The following DISC1 variants were observed in gnomAD, a reference collection of about 807,000 sequenced individuals.
The protein encoded by DISC1 is DISC1 scaffold protein.
Under a neutral mutation model 84.5 loss-of-function variants are expected in DISC1, and 57 were observed. The observed-to-expected ratio is 0.67, with a 90% CI of 0.55 to 0.84. The LOEUF (loss-of-function observed/expected upper bound fraction) is 0.84, where lower values mean the gene tolerates loss of function less well. Among genes scored for constraint, DISC1 ranks in the 40% least tolerant of loss-of-function variants. The pLI, the probability that DISC1 is intolerant of heterozygous loss-of-function variation, is 0.00. For missense variants in DISC1, 1,000 were observed against 1,057.8 expected (o/e 0.95, Z 0.76); for synonymous variants, 411 against 415.2 (o/e 0.99, Z 0.12).
chr1:231,989,011 G>A (rs570564673), intron 10 of DISC1, among the ~76,000 whole-genome samples: 33 of 152,178 alleles, frequency 2.2e-4, no homozygotes, highest in African/African-American at 7.7e-4. Flanking sequence ...CAGCCTCTGG[G>A]GTGTCCCATG....
At chr1:231,708,493 T>G (rs1366337898) in intron 3 of DISC1, among the ~76,000 whole-genome samples, 1 of 152,232 alleles carries the variant, frequency 6.6e-6, no homozygotes, top group African/African-American at 2.4e-5. Context: ...TAAAATTTCT[T>G]GAGATCTCTG....
chr1:231,642,788 G>T (rs907422385), intron 1 of DISC1, among the ~76,000 whole-genome samples: 1 of 152,148 alleles, frequency 6.6e-6, no homozygotes, highest in Non-Finnish European at 1.5e-5. Flanking sequence ...TACCCAAAGA[G>T]GGCATTCTAA....
At chr1:231,629,855 T>G (rs930890668) in intron 1 of DISC1, among the ~76,000 whole-genome samples, 1 of 152,184 alleles carries the variant, frequency 6.6e-6, no homozygotes, top group Non-Finnish European at 1.5e-5. Context: ...TTGTTGATAT[T>G]TGAATTTTAT....
intron 11 of DISC1, among the ~76,000 whole-genome samples, chr1:232,024,496 G>T (rs1261451054): frequency 2.0e-5 from 3 of 152,026 alleles, no homozygotes; most frequent in African/African-American, 7.2e-5. Context: ...GACTATTACC[G>T]CACCTGGGCA....
At chr1:231,806,690 C>T (rs1427377245) in intron 8 of DISC1, among the ~76,000 whole-genome samples, 1 of 152,202 alleles carries the variant, frequency 6.6e-6, no homozygotes, top group African/African-American at 2.4e-5. Flanking sequence ...AGCCCCAGAC[C>T]CACCTTGCTG....
intron 9 of DISC1, among the ~76,000 whole-genome samples, chr1:231,919,119 C>A (rs1198032820): frequency 6.6e-6 from 1 of 152,160 alleles, no homozygotes; most frequent in South Asian, 2.1e-4. Flanking sequence ...ATGGATGAAA[C>A]CTGATGGTTT....
chr1:231,900,687 G>A (rs1422507084), intron 9 of DISC1, among the ~76,000 whole-genome samples: 1 of 152,166 alleles, frequency 6.6e-6, no homozygotes, highest in African/African-American at 2.4e-5. Context: ...GGGAAAAATT[G>A]TGTATGCCAG....
intron 1 of DISC1, among the ~76,000 whole-genome samples, chr1:231,628,586 C>T (rs1412395221): frequency 6.6e-6 from 1 of 152,208 alleles, no homozygotes; most frequent in Non-Finnish European, 1.5e-5. Flanking sequence ...TTCAGGGTCA[C>T]CCTGCTTGGT....
chr1:231,707,083 A>G (rs570383550), intron 3 of DISC1, among the ~76,000 whole-genome samples: 8 of 152,342 alleles, frequency 5.3e-5, no homozygotes, highest in African/African-American at 1.9e-4. Flanking sequence ...AGAAGAAAAC[A>G]AGATTGAATA....
In DISC1 at chr1:231,771,711, C is replaced by T. The variant is rs575966368; in HGVS notation, c.1634+641C>T. On this transcript the variant is annotated intron_variant, in intron 6 of 12. Transcript: ENST00000439617. ...ACTCCTGTTCATTAATTCTGAAGCC[C>T]GGTCTTCTCCACTCTACTCTGGAGT... The T allele has an allele frequency of 9.0e-5, 37 of 411,022 alleles. 1 individual carries two copies. The highest frequency in any genetic ancestry group is 5.4e-4 in the African/African-American group (25 of 46,100). The allele number at this position is 411,022 out of a possible 1,614,324, so 25.5% of individuals were successfully genotyped here. A position where few individuals can be genotyped will look rare whatever the true frequency, so the allele number is the denominator to read the frequency against.
intron 9 of DISC1, among the ~76,000 whole-genome samples, chr1:231,888,738 CAAAAAAA>C (rs34003319): frequency 3.7e-5 from 2 of 54,042 alleles, no homozygotes; most frequent in South Asian, 7.7e-4. Context: ...GCTCTGTCTC[CAAAAAAA>C]AAAAAAAAAA....
Position 231,874,780 on chromosome 1 carries a change from G to C in DISC1, c.1981+56263G>C, listed in dbSNP as rs559517972. ...CAAAAAATTAGCCAGGCGTGGTGGC[G>C]GGTGCCTGTAATCCCAGCTACTCGG... On this transcript the variant is annotated intron_variant, in intron 9 of 12. Transcript: ENST00000439617. 4.9e-3 allele frequency among the ~76,000 whole-genome samples: 746 copies of C among 151,804 alleles called. 3 individuals are homozygous for C. The highest frequency in any genetic ancestry group is 0.017 in the African/African-American group (705 of 41,448).
At chr1:231,879,809 G>A (rs565483147) in intron 9 of DISC1, among the ~76,000 whole-genome samples, 5 of 152,248 alleles carry the variant, frequency 3.3e-5, no homozygotes, top group African/African-American at 7.2e-5. Flanking sequence ...GAGATGGGGA[G>A]GTGTGGATCA....
At chr1:231,794,576 A>G (rs2078610279) in intron 6 of DISC1, among the ~76,000 whole-genome samples, 1 of 152,196 alleles carries the variant, frequency 6.6e-6, no homozygotes, top group South Asian at 2.1e-4. Context: ...AGGGCTTACT[A>G]ACAAGCTCCA....
intron 1 of DISC1, among the ~76,000 whole-genome samples, chr1:231,638,606 T>C (rs1326105928): frequency 6.6e-6 from 1 of 152,226 alleles, no homozygotes; most frequent in African/African-American, 2.4e-5. Flanking sequence ...GGGTGTCCTT[T>C]GCCCAGTGTA....
In DISC1 at chr1:232,031,245, G is replaced by A. The variant is rs967938747; in HGVS notation, c.2425+4693G>A. Among the ~76,000 whole-genome samples the A allele has an allele frequency of 7.6e-4, 110 of 143,998 alleles. No individual in the cohort carries two copies. In the Admixed American group the frequency reaches 7.7e-3, roughly 10 times the overall value. The allele number at this position is 143,998 out of a possible 152,430, so 94.5% of individuals were successfully genotyped here. A position where few individuals can be genotyped will look rare whatever the true frequency, so the allele number is the denominator to read the frequency against. On this transcript the variant is annotated intron_variant, in intron 12 of 12. Transcript: ENST00000439617. This position sits in a 1 kb window ranked among gnomAD's most constrained non-coding sequence, Gnocchi z 4.6. ...AGAAAGAGAGAGAGAAAGAGAGGAAGGAAGGAAGGAGAAAGAAAGATAAAG... is the reference window on the plus strand; with the variant it reads ...AGAAAGAGAGAGAGAAAGAGAGGAAAGAAGGAAGGAGAAAGAAAGATAAAG...
At position 231,630,794 on chromosome 1, in the gene DISC1, C is replaced by T. The variant is rs2058651863; in HGVS notation, c.67+3860C>T. ...GCCGTTCAGAATCCATTTTTTCTTT[C>T]AAAACCAGAGTTCACCAGCTGTTTC... On this transcript the variant is annotated intron_variant, in intron 1 of 12. Coordinates refer to ENST00000439617, the MANE Select transcript of DISC1 (RefSeq NM_018662.3). The surrounding 1 kb of genome is among the most constrained non-coding windows in gnomAD (Gnocchi z 4.4). Among the ~76,000 whole-genome samples the T allele has an allele frequency of 6.6e-6, 1 of 151,972 alleles. No homozygotes were observed. The highest frequency in any genetic ancestry group is 2.4e-5 in the African/African-American group (1 of 41,364).
intron 9 of DISC1, among the ~76,000 whole-genome samples, chr1:231,854,067 T>G (rs1027505056): frequency 4.6e-5 from 7 of 152,140 alleles, no homozygotes; most frequent in African/African-American, 1.7e-4. Context: ...CCCAAGGGGA[T>G]TCTTGGGTCA....
At chr1:231,765,370 C>G (rs560945495) in intron 4 of DISC1, among the ~76,000 whole-genome samples, 2 of 152,134 alleles carry the variant, frequency 1.3e-5, no homozygotes, top group Non-Finnish European at 2.9e-5. Context: ...TGCATCACCA[C>G]GCTCAGCTGT....
Sources: allele counts gnomAD v4.1 joint callset (sites outside exome capture counted in the v4.1 genomes callset), GRCh38; gene constraint gnomAD v4.1.1; non-coding constraint Gnocchi (gnomAD v3.1); transcripts MANE v1.5; gene names NCBI Gene and HGNC (gene_info 2026-07-23, HGNC 2026-07-21).